KIRREL3: variants seen among roughly 807,000 people sequenced by gnomAD.
KIRREL3 encodes the protein kirre like nephrin family adhesion molecule 3.
Under a neutral mutation model 89.7 loss-of-function variants are expected in KIRREL3, and 36 were observed. The observed-to-expected ratio is 0.40, with a 90% confidence interval of 0.31 to 0.53. The LOEUF is 0.53. Among genes scored for constraint, KIRREL3 ranks in the 20% least tolerant of loss-of-function variants. The pLI is 0.49. For missense variants in KIRREL3, 864 were observed against 1,056.6 expected (o/e 0.82, Z 2.53); for synonymous variants, 445 against 441.4 (o/e 1.01, Z -0.10).
In KIRREL3 at chr11:126,918,624, G is replaced by A. The variant is rs1947136489; in HGVS notation, c.55+81831C>T. ...AAATGATACATTCTCTGCCTCCTAGGAGTTTATAATCTAAGAAAGGGATTG... is the reference window on the plus strand; with the variant it reads ...AAATGATACATTCTCTGCCTCCTAGAAGTTTATAATCTAAGAAAGGGATTG... On this transcript the variant is annotated intron_variant, in intron 1 of 16. Coordinates refer to ENST00000525144, the MANE Select transcript of KIRREL3 (RefSeq NM_032531.4). The surrounding 1 kb of genome is among the most constrained non-coding windows in gnomAD (Gnocchi z 6.5). Among the ~76,000 whole-genome samples, 1 of 152,200 alleles carries A rather than the reference G, an allele frequency of 6.6e-6. No homozygotes were observed. Among genetic ancestry groups the A allele is most frequent in the South Asian group, 2.1e-4 (1 of 4,830 alleles).
At chr11:126,598,819 G>A (rs947466874) in intron 1 of KIRREL3, among the ~76,000 whole-genome samples, 1 of 152,114 alleles carries the variant, frequency 6.6e-6, no homozygotes, top group African/African-American at 2.4e-5. Context: ...CTCTGCAGTG[G>A]GAATAATAAT....
rs992516048 is a variant in KIRREL3, at chr11:126,525,116, C to T, written c.283+1422G>A. 6.6e-6 allele frequency among the ~76,000 whole-genome samples: 1 copy of T among 152,026 alleles called. No homozygotes were observed. The highest frequency in any genetic ancestry group is 2.4e-5 in the African/African-American group (1 of 41,382). ...ACTGGATGCTAGAGGGTCAGTTATC[C>T]ATGCTGAGATGACCACCGTATGCAC... On this transcript the variant is annotated intron_variant, in intron 3 of 16. Coordinates refer to ENST00000525144, the MANE Select transcript of KIRREL3 (RefSeq NM_032531.4). The surrounding 1 kb of genome is among the most constrained non-coding windows in gnomAD (Gnocchi z 5.4).
chr11:126,599,499 CCT>C (rs1555158206), intron 1 of KIRREL3, among the ~76,000 whole-genome samples: 1 of 152,212 alleles, frequency 6.6e-6, no homozygotes, highest in Non-Finnish European at 1.5e-5. Context: ...TGCTTCACCC[CCT>C]TTCTCTTCTG....
At chr11:126,572,447 C>T (rs1460152310) in intron 1 of KIRREL3, among the ~76,000 whole-genome samples, 1 of 152,196 alleles carries the variant, frequency 6.6e-6, no homozygotes, top group Non-Finnish European at 1.5e-5. Flanking sequence ...ATGGACGACC[C>T]AGGATTAGAA....
At chr11:126,497,146 G>A (rs1957681874) in intron 4 of KIRREL3, among the ~76,000 whole-genome samples, 1 of 151,916 alleles carries the variant, frequency 6.6e-6, no homozygotes, top group Non-Finnish European at 1.5e-5. Flanking sequence ...GAGAGAGAGC[G>A]AGAGAGTGTG....
At position 126,669,033 on chromosome 11, in the gene KIRREL3, C is replaced by T. The variant is rs1945817595; in HGVS notation, c.56-106121G>A. 6.6e-6 allele frequency among the ~76,000 whole-genome samples: 1 copy of T among 152,088 alleles called. No homozygotes were observed. Among genetic ancestry groups the T allele is most frequent in the Non-Finnish European group, 1.5e-5 (1 of 68,026 alleles). On this transcript the variant is annotated intron_variant, in intron 1 of 16. Transcript: ENST00000525144. This position sits in a 1 kb window ranked among gnomAD's most constrained non-coding sequence, Gnocchi z 5.0. ...ATTCACCTGTTAGGGCTTTCCATCCCAATTTTCATCCCTTTTTGACAATTC... is the reference window on the plus strand; with the variant it reads ...ATTCACCTGTTAGGGCTTTCCATCCTAATTTTCATCCCTTTTTGACAATTC...
intron 1 of KIRREL3, among the ~76,000 whole-genome samples, chr11:126,699,505 A>C (rs1054504668): frequency 6.6e-6 from 1 of 152,246 alleles, no homozygotes; most frequent in African/African-American, 2.4e-5. Context: ...AAGAAATGTG[A>C]AATTTCTTCG....
In KIRREL3 at chr11:126,449,142, G is replaced by A. The variant is rs960915179; in HGVS notation, c.864C>T (p.Gly288=). 5 of 1,613,914 alleles carry A rather than the reference G, an allele frequency of 3.1e-6. No individual in the cohort carries two copies. Among genetic ancestry groups the A allele is most frequent in the Non-Finnish European group, 4.2e-6 (5 of 1,179,806 alleles). Residue 288 remains glycine, a synonymous_variant, in exon 8 of 17, where the codon GGC becomes GGT. Coordinates refer to ENST00000525144, the MANE Select transcript of KIRREL3 (RefSeq NM_032531.4). ...AVTQYRWAKR[G]QIIKEASGEV... ...CTCCAGATGCCTCCTTGATGATCTG[G>A]CCCCGCTTGGCCCACCTGCAACAAA...
intron 1 of KIRREL3, among the ~76,000 whole-genome samples, chr11:126,618,337 T>C (rs1943438382): frequency 6.6e-6 from 1 of 152,228 alleles, no homozygotes; most frequent in Non-Finnish European, 1.5e-5. Context: ...GAGATTCATG[T>C]GCGCAGAAAC....
rs1939630644 is a variant in KIRREL3, at chr11:126,555,455, T to G, written c.133+7380A>C. On this transcript the variant is annotated intron_variant, in intron 2 of 16. Transcript: ENST00000525144. The surrounding 1 kb of genome is among the most constrained non-coding windows in gnomAD (Gnocchi z 4.2). ...TGTGACACAGGAACTGGATCTTGACTGAGGAGGGATGGGTCAGTGGAGGCA... is the reference window on the plus strand; with the variant it reads ...TGTGACACAGGAACTGGATCTTGACGGAGGAGGGATGGGTCAGTGGAGGCA... 6.6e-6 allele frequency among the ~76,000 whole-genome samples: 1 copy of G among 152,168 alleles called. No homozygotes were observed. The highest frequency in any genetic ancestry group is 2.1e-4 in the South Asian group (1 of 4,820).
In KIRREL3 at chr11:126,849,861, G is replaced by A. The variant is rs565992444; in HGVS notation, c.55+150594C>T. ...TCACCATGGCACAGGCAGCAGTGAGGTCCATCCATTTTCAGGAGACTGACA... is the reference window on the plus strand; with the variant it reads ...TCACCATGGCACAGGCAGCAGTGAGATCCATCCATTTTCAGGAGACTGACA... On this transcript the variant is annotated intron_variant, in intron 1 of 16. Coordinates refer to ENST00000525144, the MANE Select transcript of KIRREL3 (RefSeq NM_032531.4). Among the ~76,000 whole-genome samples, 9 of 152,312 alleles carry A rather than the reference G, an allele frequency of 5.9e-5. No homozygotes were observed. In the East Asian group the frequency reaches 1.5e-3, roughly 26 times the overall value.
rs1264188915 is a variant in KIRREL3 at position 126,608,012 on chromosome 11, A to T, written c.56-45100T>A. Among the ~76,000 whole-genome samples, 2 of 152,020 alleles carry T rather than the reference A, an allele frequency of 1.3e-5. No homozygotes were observed. The highest frequency in any genetic ancestry group is 4.8e-5 in the African/African-American group (2 of 41,376). On this transcript the variant is annotated intron_variant, in intron 1 of 16. Transcript: ENST00000525144. The surrounding 1 kb of genome is among the most constrained non-coding windows in gnomAD (Gnocchi z 4.9). ...AGCTGTCTCCAGGGCCTTTCTCATC[A>T]TCTCCCGTGCCTGCCGTGCTGTCTC...
chr11:126,660,654 G>A (rs975261326), intron 1 of KIRREL3, among the ~76,000 whole-genome samples: 14 of 152,010 alleles, frequency 9.2e-5, no homozygotes, highest in Non-Finnish European at 1.9e-4. Context: ...TTTTGAGGAC[G>A]ACCTGACCAT....
chr11:126,673,106 A>G (rs1427622798), intron 1 of KIRREL3, among the ~76,000 whole-genome samples: 2 of 152,234 alleles, frequency 1.3e-5, no homozygotes, highest in East Asian at 1.9e-4. Context: ...TAGGATAACC[A>G]AATGAAAAGC....
intron 1 of KIRREL3, among the ~76,000 whole-genome samples, chr11:126,865,234 G>A (rs1010624037): frequency 6.6e-6 from 1 of 152,182 alleles, no homozygotes; most frequent in African/African-American, 2.4e-5. Context: ...TTAGAAGTCT[G>A]TCTAAACGTC....
chr11:126,502,406 A>G (rs980137172), intron 4 of KIRREL3, among the ~76,000 whole-genome samples: 5 of 152,226 alleles, frequency 3.3e-5, no homozygotes, highest in African/African-American at 1.2e-4. Flanking sequence ...GCCCAGGCAC[A>G]GTCAGAAGAA....
At chr11:126,593,450 C>T (rs978552383) in intron 1 of KIRREL3, among the ~76,000 whole-genome samples, 2 of 152,172 alleles carry the variant, frequency 1.3e-5, no homozygotes, top group Admixed American at 6.5e-5. Flanking sequence ...CAGGGAGGGG[C>T]CCTCGTGCTA....
chr11:126,585,494 A>G (rs1186073806), intron 1 of KIRREL3, among the ~76,000 whole-genome samples: 1 of 151,888 alleles, frequency 6.6e-6, no homozygotes, highest in Non-Finnish European at 1.5e-5. Flanking sequence ...TCAGCCTCCC[A>G]AAGTGTTGGA....
chr11:126,623,713 CA>C lies in KIRREL3; in HGVS notation c.56-60802del, dbSNP rs1403437115. On this transcript the variant is annotated intron_variant, in intron 1 of 16. Coordinates refer to ENST00000525144, the MANE Select transcript of KIRREL3 (RefSeq NM_032531.4). The surrounding 1 kb of genome is among the most constrained non-coding windows in gnomAD (Gnocchi z 4.1). ...GCAGAAAGCACAAGACCAGGCAAAG[CA>C]GGCGAGGAGAAAGCCATTGAATAAA... 1.3e-5 allele frequency among the ~76,000 whole-genome samples: 2 copies of C among 152,266 alleles called. No individual in the cohort carries two copies. The highest frequency in any genetic ancestry group is 1.3e-4 in the Admixed American group (2 of 15,304).
Sources: gnomAD v4.1 joint callset for allele counts (sites outside exome capture counted in the v4.1 genomes callset) on GRCh38, gnomAD v4.1.1 for gene constraint, Gnocchi (gnomAD v3.1) non-coding constraint, MANE v1.5 for transcripts, NCBI Gene and HGNC (gene_info 2026-07-23, HGNC 2026-07-21) for gene names.